PSMD5: variants seen among roughly 807,000 people sequenced by gnomAD.
The protein encoded by PSMD5 is proteasome 26S subunit, non-ATPase 5.
Under a neutral mutation model 52.1 loss-of-function variants are expected in PSMD5, and 40 were observed. The observed-to-expected ratio is 0.77, with a 90% CI of 0.60 to 1.00. The LOEUF (loss-of-function observed/expected upper bound fraction) is 1.00. PSMD5 is among the 50% of genes least tolerant of loss of function. PSMD5 has a pLI of 0.00. For missense variants in PSMD5, 575 were observed against 605.2 expected (o/e 0.95, Z 0.52); for synonymous variants, 211 against 226.6 (o/e 0.93, Z 0.62).
chr9:120,827,060 C>T (rs2045127962), intron 5 of PSMD5, among the ~76,000 whole-genome samples, 153 bp from the exon 6 acceptor site: 1 of 152,188 alleles, frequency 6.6e-6, no homozygotes, highest in Non-Finnish European at 1.5e-5. Context: ...GCCCTAAGGC[C>T]TAGAAATTTG....
chr9:120,838,130 A>T (rs545688126), intron 1 of PSMD5, among the ~76,000 whole-genome samples: 1 of 152,330 alleles, frequency 6.6e-6, no homozygotes, highest in East Asian at 1.9e-4. Flanking sequence ...ACAGGGAGAG[A>T]TTAGCAAGGG....
chr9:120,825,663 AT>A (rs1037976874), intron 6 of PSMD5, among the ~76,000 whole-genome samples: 2 of 151,786 alleles, frequency 1.3e-5, no homozygotes, highest in African/African-American at 4.8e-5. Flanking sequence ...TAAATATTTA[AT>A]TTTTTTTGAA....
chr9:120,841,046 C>T (rs537613030), intron 1 of PSMD5, among the ~76,000 whole-genome samples: 49 of 152,216 alleles, frequency 3.2e-4, no homozygotes, highest in Admixed American at 1.4e-3. Flanking sequence ...GCCACTGCAC[C>T]GGGCCTACAA....
At position 120,817,797 on chromosome 9, in the gene PSMD5, T is replaced by C; in HGVS notation, c.*109A>G. On this transcript the variant is annotated 3_prime_UTR_variant, in exon 10 of 10. Transcript: ENST00000210313. Reference sequence around the variant, plus strand: ...TAACAAAGTAACATCTGACATTCCATGATAATTCTTGGGGAAAGGAAGTCT... The same window carrying C: ...TAACAAAGTAACATCTGACATTCCACGATAATTCTTGGGGAAAGGAAGTCT... The C allele has an allele frequency of 8.2e-7, 1 of 1,225,558 alleles. No individual in the cohort carries two copies. The highest frequency in any genetic ancestry group is 1.1e-6 in the Non-Finnish European group (1 of 875,428). 75.9% of individuals were successfully genotyped at this position (1,225,558 alleles called of 1,614,324 possible).
At chr9:120,842,598 ATCCT>A in intron 1 of PSMD5, 135 bp downstream of exon 1, 1 of 949,464 alleles carries the variant, frequency 1.1e-6, no homozygotes, top group Non-Finnish European at 1.6e-6. Flanking sequence ...TGAACCCAGG[ATCCT>A]TCCTTCTCTG....
intron 1 of PSMD5, among the ~76,000 whole-genome samples, chr9:120,835,379 T>G (rs1467304528): frequency 6.6e-6 from 1 of 152,198 alleles, no homozygotes; most frequent in Non-Finnish European, 1.5e-5. Context: ...AAGGCTTCCT[T>G]TTGAGAATGA....
At chr9:120,822,981 A>C (rs2045096456) in intron 7 of PSMD5, among the ~76,000 whole-genome samples, 1 of 151,674 alleles carries the variant, frequency 6.6e-6, no homozygotes, top group South Asian at 2.1e-4. Flanking sequence ...GGCATGCACC[A>C]CCACAGCTGG....
intron 7 of PSMD5, among the ~76,000 whole-genome samples, chr9:120,822,327 G>A (rs1189277230): frequency 6.6e-6 from 1 of 152,022 alleles, no homozygotes; most frequent in African/African-American, 2.4e-5. Flanking sequence ...CAAAGGACCT[G>A]GACTTGAGTA....
intron 9 of PSMD5, 72 bp from the exon 10 acceptor site, chr9:120,818,235 T>TA: frequency 6.9e-7 from 1 of 1,441,460 alleles, no homozygotes; most frequent in South Asian, 1.5e-5. Flanking sequence ...GCACAATATT[T>TA]ACAAAGAAAT....
At chr9:120,837,508 G>A (rs1213450480) in intron 1 of PSMD5, among the ~76,000 whole-genome samples, 1 of 152,076 alleles carries the variant, frequency 6.6e-6, no homozygotes, top group African/African-American at 2.4e-5. Flanking sequence ...ATTTATTCTT[G>A]TATAGATCAT....
chr9:120,834,527 G>A (rs1016669677), intron 1 of PSMD5, among the ~76,000 whole-genome samples: 18 of 152,102 alleles, frequency 1.2e-4, no homozygotes, highest in African/African-American at 3.9e-4. Context: ...AAGGCAGAGA[G>A]GAATAAGACA....
intron 1 of PSMD5, among the ~76,000 whole-genome samples, chr9:120,836,993 G>A (rs930459978): frequency 1.3e-5 from 2 of 151,110 alleles, no homozygotes; most frequent in African/African-American, 2.4e-5. Context: ...AGGTTCAAGC[G>A]ATTCTCCTGC....
chr9:120,836,699 A>G (rs1363247667), intron 1 of PSMD5, among the ~76,000 whole-genome samples: 1 of 151,812 alleles, frequency 6.6e-6, no homozygotes, highest in Non-Finnish European at 1.5e-5. Context: ...GCCTGGCCCC[A>G]TCTGTACTTC....
intron 8 of PSMD5, 33 bp from the exon 9 acceptor site, chr9:120,821,012 G>A (rs780389426): frequency 6.4e-7 from 1 of 1,551,490 alleles, no homozygotes; most frequent in Non-Finnish European, 8.6e-7. Context: ...CTCATCAAAA[G>A]TTAACTGATC....
Position 120,833,061 on chromosome 9 carries a change from T to C in PSMD5, c.318+251A>G, listed in dbSNP as rs777178982. On this transcript the variant is annotated intron_variant, in intron 2 of 9. Coordinates refer to ENST00000210313, the MANE Select transcript of PSMD5 (RefSeq NM_005047.4). ...GCATGTAAAAGGAACTCAGTCAGTA[T>C]CTGATTAATGAATGATTTAGATGGT... Among the ~76,000 whole-genome samples the C allele has an allele frequency of 1.6e-4, 24 of 152,212 alleles. 1 individual carries two copies. The highest frequency in any genetic ancestry group is 2.5e-4 in the Non-Finnish European group (17 of 68,038).
At chr9:120,826,344 T>A (rs912088940) in intron 6 of PSMD5, among the ~76,000 whole-genome samples, 2 of 152,186 alleles carry the variant, frequency 1.3e-5, no homozygotes, top group African/African-American at 4.8e-5. Flanking sequence ...CTGAGTATGT[T>A]AGCTGTGGGT....
chr9:120,817,786 C>G lies in PSMD5; in HGVS notation c.*120G>C. On this transcript the variant is annotated 3_prime_UTR_variant, in exon 10 of 10. Coordinates refer to ENST00000210313, the MANE Select transcript of PSMD5 (RefSeq NM_005047.4). ...AACAGTGTTGGTAACAAAGTAACAT[C>G]TGACATTCCATGATAATTCTTGGGG... 1 of 1,161,038 alleles carries G rather than the reference C, an allele frequency of 8.6e-7. No homozygotes were observed. Among genetic ancestry groups the G allele is most frequent in the Admixed American group, 2.4e-5 (1 of 42,326 alleles). The allele number at this position is 1,161,038 out of a possible 1,614,324, so 71.9% of individuals were successfully genotyped here.
intron 1 of PSMD5, among the ~76,000 whole-genome samples, chr9:120,838,364 G>A (rs1213117449): frequency 4.6e-5 from 7 of 152,136 alleles, no homozygotes; most frequent in South Asian, 2.1e-4. Context: ...CTTTGCCAAC[G>A]AGCCAAAGAG....
intron 1 of PSMD5, among the ~76,000 whole-genome samples, chr9:120,836,504 C>G (rs924246878): frequency 6.6e-6 from 1 of 150,608 alleles, no homozygotes; most frequent in African/African-American, 2.4e-5. Context: ...TCAAGTGATT[C>G]TCCTGCCTCA....
Sources: allele counts gnomAD v4.1 joint callset (sites outside exome capture counted in the v4.1 genomes callset), GRCh38; gene constraint gnomAD v4.1.1; transcripts MANE v1.5; gene names NCBI Gene and HGNC (gene_info 2026-07-23, HGNC 2026-07-21).